The following CDH17 variants were observed in gnomAD, a reference collection of about 807,000 sequenced individuals.
The protein encoded by CDH17 is cadherin-17.
A neutral mutation model predicts 86.3 loss-of-function variants in CDH17; 67 were observed. The ratio of observed to expected loss-of-function variants is 0.78; its 90% CI spans 0.64 to 0.95. CDH17 has a LOEUF of 0.95. Among genes scored for constraint, CDH17 ranks in the 40% least tolerant of loss-of-function variants. The probability of loss-of-function intolerance (pLI) is 0.00; values close to 1 mark genes in which losing one functional copy is unlikely to be tolerated. For missense variants in CDH17, 993 were observed against 1,017.6 expected (o/e 0.98, Z 0.33); for synonymous variants, 367 against 366.4 (o/e 1.00, Z -0.02).
In CDH17 at chr8:94,167,804, C is replaced by T. The variant is rs80263448; in HGVS notation, c.1067-1828G>A. ...ACTGCTGGCATCAGAGGACACCCCT[C>T]GCTGGGAGCAGAGGACCTTGTGGAT... is the stretch of plus-strand genomic sequence containing the variant. On this transcript the variant is annotated intron_variant, in intron 9 of 17. Transcript: ENST00000027335. Among the ~76,000 whole-genome samples, 505 of 152,070 alleles carry T rather than the reference C, an allele frequency of 3.3e-3. 8 individuals carry two copies. In the East Asian group the frequency reaches 0.05, roughly 15 times the overall value.
intron 15 of CDH17, among the ~76,000 whole-genome samples, chr8:94,140,314 C>T (rs548607542): frequency 2.6e-5 from 4 of 152,126 alleles, no homozygotes; most frequent in African/African-American, 7.2e-5. Flanking sequence ...CGTGTAGTCC[C>T]AGCTACTTGG....
intron 2 of CDH17, among the ~76,000 whole-genome samples, chr8:94,194,099 G>C (rs554595932): frequency 6.6e-6 from 1 of 152,276 alleles, no homozygotes; most frequent in East Asian, 1.9e-4. Flanking sequence ...GGACTCCCCA[G>C]TTTCTATCCA....
In CDH17 at chr8:94,161,173, A is replaced by C. The variant is rs999584388; in HGVS notation, c.1359+913T>G. Among the ~76,000 whole-genome samples the C allele has an allele frequency of 3.9e-5, 6 of 152,220 alleles. No individual in the cohort carries two copies. In the South Asian group the frequency reaches 6.2e-4, roughly 16 times the overall value. ...AACACTGTCTCGATAAAAGGCGAGG[A>C]GGTCACAAAGTTAGGAAAGGATCAA... On this transcript the variant is annotated intron_variant, in intron 11 of 17. Coordinates refer to ENST00000027335, the MANE Select transcript of CDH17 (RefSeq NM_004063.4).
At chr8:94,206,698 G>A (rs1049656980) in intron 1 of CDH17, among the ~76,000 whole-genome samples, 1 of 147,272 alleles carries the variant, frequency 6.8e-6, no homozygotes, top group African/African-American at 2.6e-5. Flanking sequence ...CTGGAATGCA[G>A]TGGCACAATC....
chr8:94,155,160 A>T (rs1812922755), intron 12 of CDH17, among the ~76,000 whole-genome samples: 1 of 152,062 alleles, frequency 6.6e-6, no homozygotes, highest in South Asian at 2.1e-4. Flanking sequence ...CATAGTGATA[A>T]GCACCCACTG....
chr8:94,175,428 T>C (rs988915869), intron 5 of CDH17, among the ~76,000 whole-genome samples: 10 of 152,062 alleles, frequency 6.6e-5, no homozygotes, highest in South Asian at 2.1e-4. Context: ...GAGGCAGGCA[T>C]TGAAGAAAGA....
intron 3 of CDH17, among the ~76,000 whole-genome samples, chr8:94,179,609 G>A (rs1428041259): frequency 6.6e-6 from 1 of 152,234 alleles, no homozygotes; most frequent in East Asian, 1.9e-4. Context: ...CGAAGGCAGA[G>A]TTGTAAACTG....
At chr8:94,157,647 G>T (rs1008091296) in intron 12 of CDH17, among the ~76,000 whole-genome samples, 3 of 152,188 alleles carry the variant, frequency 2.0e-5, no homozygotes, top group African/African-American at 7.2e-5. Flanking sequence ...ATGCACAGTG[G>T]CTCAAACACC....
At chr8:94,176,432 A>T (rs1270602175) in intron 5 of CDH17, 109 bp downstream of exon 5, 1 of 1,163,976 alleles carries the variant, frequency 8.6e-7, no homozygotes, top group Non-Finnish European at 1.3e-6. Context: ...AAATGTAGGT[A>T]AGATAGTGCT....
chr8:94,175,680 A>C (rs1300532878), intron 5 of CDH17, among the ~76,000 whole-genome samples: 2 of 152,112 alleles, frequency 1.3e-5, no homozygotes, highest in Non-Finnish European at 2.9e-5. Flanking sequence ...GGGCTTAATG[A>C]AGGGCTTTTG....
intron 15 of CDH17, among the ~76,000 whole-genome samples, chr8:94,140,145 G>A (rs1812609577): frequency 6.6e-6 from 1 of 152,110 alleles, no homozygotes; most frequent in Non-Finnish European, 1.5e-5. Flanking sequence ...TTGTGGGCCT[G>A]GCATGGTGGT....
chr8:94,186,881 C>A (rs1813591735), intron 3 of CDH17, among the ~76,000 whole-genome samples: 1 of 152,180 alleles, frequency 6.6e-6, no homozygotes, highest in African/African-American at 2.4e-5. Flanking sequence ...TGCTGACCTC[C>A]GCAGGCATGC....
rs149027046 is a variant in CDH17, at chr8:94,152,002, C to T, written c.1662G>A (p.Thr554=). 414 of 1,614,150 alleles carry T rather than the reference C, an allele frequency of 2.6e-4. No individual in the cohort carries two copies. Among genetic ancestry groups the T allele is most frequent in the African/African-American group, 8.0e-5 (6 of 75,046 alleles). The change falls in exon 13 of 18, where the codon ACG becomes ACA. Residue 554 remains threonine, a synonymous_variant. Coordinates refer to ENST00000027335, the MANE Select transcript of CDH17 (RefSeq NM_004063.4). ...KYNASSFAKF[T]LIVTDVNEAP... ...CTTCATTCACATCTGTCACAATAAG[C>T]GTGAACTTGGCAAAAGAACTTGCAT...
intron 12 of CDH17, among the ~76,000 whole-genome samples, chr8:94,154,428 A>G (rs1428996238): frequency 6.6e-6 from 1 of 152,172 alleles, no homozygotes; most frequent in Non-Finnish European, 1.5e-5. Flanking sequence ...TCCATTTTTT[A>G]TGGGAAATGA....
In CDH17 at chr8:94,152,090, G is replaced by A; in HGVS notation, c.1574C>T (p.Ala525Val). The A allele has an allele frequency of 2.5e-6, 4 of 1,614,086 alleles. No individual in the cohort carries two copies. The highest frequency in any genetic ancestry group is 3.4e-6 in the Non-Finnish European group (4 of 1,179,958). Residue 525 changes from alanine (A) to valine (V), a missense_variant, in exon 13 of 18, where the codon GCT (alanine) becomes GTT (valine). Transcript: ENST00000027335. ...TGCTTTGAACACAATGTTGGAAACA[G>A]CTGCTGTTTCAAAATCAAGAGGCTG... ...IKKPLDFETAAVSNIVFKAEN... is the reference protein window; with the variant it reads ...IKKPLDFETAVVSNIVFKAEN...
At chr8:94,216,457 G>A (rs566524348) in intron 1 of CDH17, among the ~76,000 whole-genome samples, 76 of 152,048 alleles carry the variant, frequency 5.0e-4, no homozygotes, top group Non-Finnish European at 5.1e-4. Context: ...GGAGGCCGGC[G>A]GAGGACCCTC....
chr8:94,205,262 T>C (rs2613223), intron 1 of CDH17, among the ~76,000 whole-genome samples: 4,401 of 126,098 alleles, frequency 0.035, 80 homozygotes, highest in Middle Eastern at 0.062. Flanking sequence ...TCATAAAGGG[T>C]GGCTTGACTT....
chr8:94,145,077 T>A (rs1812714476), intron 15 of CDH17, among the ~76,000 whole-genome samples: 1 of 152,222 alleles, frequency 6.6e-6, no homozygotes, highest in African/African-American at 2.4e-5. Flanking sequence ...TAAGAACAAT[T>A]TGGAAAGTAG....
intron 14 of CDH17, among the ~76,000 whole-genome samples, 199 bp downstream of exon 14, chr8:94,148,545 A>C (rs1386400530): frequency 1.7e-5 from 2 of 118,242 alleles, no homozygotes; most frequent in Non-Finnish European, 3.6e-5. Flanking sequence ...CCATCTCAAA[A>C]AAAAAAAAAA....
Sources: allele counts gnomAD v4.1 joint callset (sites outside exome capture counted in the v4.1 genomes callset), GRCh38; gene constraint gnomAD v4.1.1; transcripts MANE v1.5; gene names NCBI Gene and HGNC (gene_info 2026-07-23, HGNC 2026-07-21).